RTN1: variants seen among roughly 807,000 people sequenced by gnomAD.
RTN1 encodes reticulon 1, also known as reticulon-1.
Under a neutral mutation model 65.5 loss-of-function variants are expected in RTN1, and 25 were observed. The observed-to-expected ratio is 0.38, with a 90% confidence interval of 0.28 to 0.53. The LOEUF (loss-of-function observed/expected upper bound fraction) is 0.53. Ranked by LOEUF, RTN1 falls within the 20% of genes least tolerant of loss-of-function variation. The pLI, the probability that RTN1 is intolerant of heterozygous loss-of-function variation, is 0.79. For missense variants in RTN1, 983 were observed against 1,025.4 expected (o/e 0.96, Z 0.57); for synonymous variants, 471 against 447.6 (o/e 1.05, Z -0.66).
At position 59,737,616 on chromosome 14, in the gene RTN1, C is replaced by T. The variant is rs779480747; in HGVS notation, c.1015+8092G>A. The stretch of plus-strand genomic sequence containing the variant: ...AACAACTTATAGATTCAACATTATT[C>T]CCATTAAACTACCATTGACATTCCT... On this transcript the variant is annotated intron_variant, in intron 2 of 8. Coordinates refer to ENST00000267484, the MANE Select transcript of RTN1 (RefSeq NM_021136.3). Among the ~76,000 whole-genome samples, 3 of 152,164 alleles carry T rather than the reference C, an allele frequency of 2.0e-5. No homozygotes were observed. In the South Asian group the frequency reaches 6.2e-4, roughly 32 times the overall value.
intron 3 of RTN1, among the ~76,000 whole-genome samples, chr14:59,702,705 A>C (rs1431791565): frequency 6.6e-6 from 1 of 152,118 alleles, no homozygotes; most frequent in Non-Finnish European, 1.5e-5. Flanking sequence ...AGAGCCTCTG[A>C]TGGGTCTTCT....
At chr14:59,722,943 A>G (rs928659908) in intron 3 of RTN1, among the ~76,000 whole-genome samples, 10 of 151,756 alleles carry the variant, frequency 6.6e-5, no homozygotes, top group African/African-American at 1.9e-4. Flanking sequence ...GACTACAGGC[A>G]TGCACCACCA....
intron 1 of RTN1, among the ~76,000 whole-genome samples, chr14:59,848,196 T>C (rs956853036): frequency 8.5e-5 from 13 of 152,228 alleles, no homozygotes; most frequent in Admixed American, 6.5e-5. Flanking sequence ...TAACTTGTAA[T>C]GGTCACCACC....
chr14:59,749,330 A>C (rs1286104313), intron 1 of RTN1, among the ~76,000 whole-genome samples: 2 of 53,590 alleles, frequency 3.7e-5, no homozygotes, highest in Non-Finnish European at 5.5e-5. Flanking sequence ...CTATATATCT[A>C]TATATATCTA....
chr14:59,711,638 T>A (rs937748864), intron 3 of RTN1, among the ~76,000 whole-genome samples: 2 of 152,182 alleles, frequency 1.3e-5, no homozygotes, highest in African/African-American at 4.8e-5. Flanking sequence ...ACCCCACTAC[T>A]CACTAGGCAT....
intron 3 of RTN1, among the ~76,000 whole-genome samples, chr14:59,687,476 T>C (rs750266690): frequency 1.5e-4 from 22 of 151,334 alleles, no homozygotes; most frequent in Non-Finnish European, 2.1e-4. Flanking sequence ...TCAGAGCACC[T>C]GCTCCCAAAG....
At chr14:59,739,142 T>C (rs1885063154) in intron 2 of RTN1, among the ~76,000 whole-genome samples, 1 of 151,640 alleles carries the variant, frequency 6.6e-6, no homozygotes, top group African/African-American at 2.4e-5. Flanking sequence ...CCTGCACATG[T>C]ACCCCTGAGC....
rs117112104 is a variant in RTN1 at position 59,748,260 on chromosome 14, G to A, written c.242-1779C>T. On this transcript the variant is annotated intron_variant, in intron 1 of 8. Coordinates refer to ENST00000267484, the MANE Select transcript of RTN1 (RefSeq NM_021136.3). ...ATATTTACTCAGCATTATTACAAAC[G>A]AACTTAACTTTTGTCTTTTCCTAGC... Among the ~76,000 whole-genome samples the A allele has an allele frequency of 1.4e-4, 19 of 134,528 alleles. 1 individual carries two copies. Among genetic ancestry groups the A allele is most frequent in the Admixed American group, 3.4e-4 (4 of 11,932 alleles). 88.3% of individuals were successfully genotyped at this position (134,528 alleles called of 152,430 possible).
Position 59,763,632 on chromosome 14 carries a change from A to G in RTN1, c.242-17151T>C, listed in dbSNP as rs1370055614. ...ACTGCAAGCTCCGCCTCCCAGGTTC[A>G]TGCCATTCTCCTGCCTCAGCCTCCT... On this transcript the variant is annotated intron_variant, in intron 1 of 8. Transcript: ENST00000267484. Among the ~76,000 whole-genome samples the G allele has an allele frequency of 6.7e-5, 10 of 148,544 alleles. No homozygotes were observed. The East Asian group carries it at 2.0e-3, about 29-fold the overall frequency.
At chr14:59,779,949 A>G (rs556430667) in intron 1 of RTN1, among the ~76,000 whole-genome samples, 31 of 152,210 alleles carry the variant, frequency 2.0e-4, no homozygotes, top group Non-Finnish European at 3.7e-4. Flanking sequence ...GCAGGAAATT[A>G]AGCCCAGAAT....
intron 1 of RTN1, among the ~76,000 whole-genome samples, chr14:59,837,645 T>C (rs145154216): frequency 2.6e-5 from 4 of 151,886 alleles, no homozygotes; most frequent in South Asian, 2.1e-4. Context: ...TAAATGCAAA[T>C]AGCAATAAAC....
In RTN1 at chr14:59,727,621, C is replaced by T. The variant is rs755294873; in HGVS notation, c.1063G>A (p.Glu355Lys). ...GCTTCTTTGATGGCGGTGATCAGCT[C>T]ATCCTCGGAGATGCTGCCTTTCCCC... ...SQGKGSISEDELITAIKEAKG... is the reference protein window; with the variant it reads ...SQGKGSISEDKLITAIKEAKG... The change falls in exon 3 of 9, where the codon GAG becomes AAG. Residue 355 changes from glutamate (E) to lysine (K), a missense_variant. Glu to Lys is a moderately conservative substitution (Grantham distance 56). Transcript: ENST00000267484. The surrounding 1 kb of genome is among the most constrained non-coding windows in gnomAD (Gnocchi z 4.2). The T allele has an allele frequency of 1.2e-6, 2 of 1,611,882 alleles. No homozygotes were observed. The highest frequency in any genetic ancestry group is 3.4e-5 in the Admixed American group (2 of 59,696).
chr14:59,611,395 T>C (rs971978958), intron 3 of RTN1, among the ~76,000 whole-genome samples: 13 of 152,312 alleles, frequency 8.5e-5, no homozygotes, highest in Middle Eastern at 6.8e-3. Flanking sequence ...AATGGAGAAA[T>C]AGTCCTGGGG....
Position 59,803,661 on chromosome 14 carries a change from T to A in RTN1, c.242-57180A>T, listed in dbSNP as rs569834444. Among the ~76,000 whole-genome samples, 10 of 152,310 alleles carry A rather than the reference T, an allele frequency of 6.6e-5. No individual in the cohort carries two copies. The highest frequency in any genetic ancestry group is 2.1e-4 in the South Asian group (1 of 4,826). ...GACCCACTTCTATTCATCATCCAGC[T>A]CTTTCTGCCTGGATACGTTACACTT... is the stretch of plus-strand genomic sequence containing the variant. On this transcript the variant is annotated intron_variant, in intron 1 of 8. Coordinates refer to ENST00000267484, the MANE Select transcript of RTN1 (RefSeq NM_021136.3). The surrounding 1 kb of genome is among the most constrained non-coding windows in gnomAD (Gnocchi z 5.6).
chr14:59,866,175 G>A (rs1465741482), intron 1 of RTN1, among the ~76,000 whole-genome samples: 2 of 152,140 alleles, frequency 1.3e-5, no homozygotes, highest in Non-Finnish European at 2.9e-5. Context: ...TCAGAAAGGT[G>A]CACATGTTTT....
chr14:59,789,199 A>C (rs1222498145), intron 1 of RTN1, among the ~76,000 whole-genome samples: 2 of 152,016 alleles, frequency 1.3e-5, no homozygotes, highest in Non-Finnish European at 2.9e-5. Context: ...TTTTCTTGAT[A>C]TGCAGTATTT....
In RTN1 at chr14:59,604,099, C is replaced by G. The variant is rs1481930011; in HGVS notation, c.2113-178G>C. 6.9e-6 allele frequency: 3 copies of G among 433,898 alleles called. No homozygotes were observed. The East Asian group carries it at 1.1e-4, about 16-fold the overall frequency. The allele number at this position is 433,898 out of a possible 1,614,324, so 26.9% of individuals were successfully genotyped here. A position where few individuals can be genotyped will look rare whatever the true frequency, so the allele number is the denominator to read the frequency against. ...ATGAAAGAGGATCCAGTCCTTAGTT[C>G]TCTTGGAACTATTTGGATCACTTTG... On this transcript the variant is annotated intron_variant, in intron 5 of 8. Transcript: ENST00000267484.
chr14:59,864,936 A>G (rs1028635143), intron 1 of RTN1, among the ~76,000 whole-genome samples: 3 of 152,220 alleles, frequency 2.0e-5, no homozygotes, highest in Non-Finnish European at 4.4e-5. Context: ...ACCCTGTAGC[A>G]TATCAGCCAT....
intron 1 of RTN1, among the ~76,000 whole-genome samples, chr14:59,750,277 A>ATATTATATATATATC (rs1885451672): frequency 1.6e-5 from 1 of 62,018 alleles, no homozygotes; most frequent in African/African-American, 7.6e-5. Context: ...TATCTATAAT[A>ATATTATATATATATC]TATAATATAT....
Sources: gnomAD v4.1 joint callset for allele counts (sites outside exome capture counted in the v4.1 genomes callset) on GRCh38, gnomAD v4.1.1 for gene constraint, Gnocchi (gnomAD v3.1) non-coding constraint, MANE v1.5 for transcripts, NCBI Gene and HGNC (gene_info 2026-07-23, HGNC 2026-07-21) for gene names.